TTLL6: variants seen among roughly 807,000 people sequenced by gnomAD.
TTLL6 encodes the protein tubulin tyrosine ligase like 6.
Under a neutral mutation model 96.4 loss-of-function variants are expected in TTLL6, and 75 were observed. The ratio of observed to expected loss-of-function variants is 0.78; its 90% CI spans 0.65 to 0.94. TTLL6 has a LOEUF of 0.94. TTLL6 is among the 40% of genes least tolerant of loss of function. The pLI is 0.00. For synonymous variants in TTLL6, 411 were observed against 419.4 expected, an observed-to-expected ratio of 0.98 and a Z score of 0.24; for missense variants, 1,030 against 1,093.0, an observed-to-expected ratio of 0.94 and a Z score of 0.81.
chr17:48,780,661 C>T (rs1018699648), intron 13 of TTLL6, among the ~76,000 whole-genome samples: 4 of 152,270 alleles, frequency 2.6e-5, no homozygotes, highest in South Asian at 2.1e-4. Context: ...TCTCTCCCTC[C>T]GCCCAGTCCC....
intron 1 of TTLL6, among the ~76,000 whole-genome samples, chr17:48,810,170 GA>G (rs896278674): frequency 2.0e-4 from 29 of 143,178 alleles, no homozygotes; most frequent in Non-Finnish European, 3.1e-4. Context: ...GAAAAGAAAA[GA>G]AAAAAAAGGT....
intron 9 of TTLL6, 118 bp from the exon 10 acceptor site, chr17:48,790,224 G>C: frequency 9.4e-7 from 1 of 1,060,674 alleles, no homozygotes; most frequent in Non-Finnish European, 1.4e-6. Context: ...TCACTACCAA[G>C]ATGAAAGGGA....
chr17:48,802,918 C>G (rs2039449021), intron 3 of TTLL6, among the ~76,000 whole-genome samples: 1 of 151,640 alleles, frequency 6.6e-6, no homozygotes, highest in Non-Finnish European at 1.5e-5. Context: ...GCCTGTAATC[C>G]CAACACTCTG....
At chr17:48,799,800 G>T in intron 5 of TTLL6, 40 bp from the exon 6 acceptor site, 1 of 1,531,302 alleles carries the variant, frequency 6.5e-7, no homozygotes, top group South Asian at 1.2e-5. Flanking sequence ...TCTTTAGCTG[G>T]GGAGCAATGA....
At chr17:48,786,626 C>A (rs1375194899) in intron 11 of TTLL6, among the ~76,000 whole-genome samples, 1 of 152,214 alleles carries the variant, frequency 6.6e-6, no homozygotes, top group Non-Finnish European at 1.5e-5. Flanking sequence ...CACTTCCCAG[C>A]AGGCCAGTTC....
At chr17:48,765,453 A>G (rs2038582433) in intron 15 of TTLL6, 1 of 152,196 alleles carries the variant, frequency 6.6e-6, no homozygotes, top group Non-Finnish European at 1.5e-5. Flanking sequence ...TTGAAATTCA[A>G]TTAGATAAAA....
At chr17:48,785,272 C>T in intron 12 of TTLL6, 71 bp from the exon 13 acceptor site, 1 of 1,595,786 alleles carries the variant, frequency 6.3e-7, no homozygotes, top group Non-Finnish European at 8.5e-7. Flanking sequence ...TTCATCTGCA[C>T]CCAGGGGTAG....
chr17:48,813,058 A>C (rs1341483327), intron 1 of TTLL6, among the ~76,000 whole-genome samples: 1 of 152,206 alleles, frequency 6.6e-6, no homozygotes, highest in Non-Finnish European at 1.5e-5. Flanking sequence ...CCTCTATTAC[A>C]GATGAGAAGA....
chr17:48,778,791 G>T (rs937676818), intron 13 of TTLL6, among the ~76,000 whole-genome samples: 1 of 152,026 alleles, frequency 6.6e-6, no homozygotes, highest in South Asian at 2.1e-4. Context: ...TTAGCTGGGC[G>T]TGGTGGTGCT....
At chr17:48,794,009 AC>A (rs1809265841) in intron 8 of TTLL6, among the ~76,000 whole-genome samples, 1 of 152,166 alleles carries the variant, frequency 6.6e-6, no homozygotes, top group Non-Finnish European at 1.5e-5. Context: ...TCCAGGTGGA[AC>A]TGAGGAGAGA....
chr17:48,786,143 T>C lies in TTLL6; in HGVS notation c.1761+21A>G, dbSNP rs538720388. On this transcript the variant is annotated intron_variant, in intron 12 of 15. Coordinates refer to ENST00000393382, the MANE Select transcript of TTLL6 (RefSeq NM_001130918.3). Reference sequence around the variant, plus strand: ...GTGGGGAAGGGTGTGGCTACGTGTGTTCCCCTCAATCCAGGTTTACCTGTT... The same window carrying C: ...GTGGGGAAGGGTGTGGCTACGTGTGCTCCCCTCAATCCAGGTTTACCTGTT... 112 of 1,613,976 alleles carry C rather than the reference T, an allele frequency of 6.9e-5. 1 individual carries two copies. The South Asian group carries it at 1.1e-3, about 16-fold the overall frequency.
chr17:48,775,319 AC>A (rs1428995717), intron 13 of TTLL6, among the ~76,000 whole-genome samples: 3 of 151,962 alleles, frequency 2.0e-5, no homozygotes, highest in African/African-American at 4.8e-5. Context: ...AAATTTCCCA[AC>A]AAAAATTTTA....
Position 48,787,888 on chromosome 17 carries a change from C to T in TTLL6, c.1512G>A (p.Lys504=). 1 of 1,614,218 alleles carries T rather than the reference C, an allele frequency of 6.2e-7. No individual in the cohort carries two copies. The highest frequency in any genetic ancestry group is 1.1e-5 in the South Asian group (1 of 91,082). Residue 504 remains lysine (K), a synonymous_variant, in exon 11 of 16, where the codon AAG becomes AAA. Coordinates refer to ENST00000393382, the MANE Select transcript of TTLL6 (RefSeq NM_001130918.3). ...TGTTGTCCTGGAAAAACTTCTCATACTTCTCCGAATTCAGACTGGGATAAA... is the reference window on the plus strand; with the variant it reads ...TGTTGTCCTGGAAAAACTTCTCATATTTCTCCGAATTCAGACTGGGATAAA... ...RLIYPSLNSE[K]YEKFFQDNNS...
At chr17:48,814,866 G>A (rs2039645941) in intron 1 of TTLL6, among the ~76,000 whole-genome samples, 1 of 152,128 alleles carries the variant, frequency 6.6e-6, no homozygotes, top group African/African-American at 2.4e-5. Context: ...CGCAACCTCT[G>A]CCTCCTGGAT....
chr17:48,784,773 C>T lies in TTLL6; in HGVS notation c.2040+150G>A. ...ATGCCGGTCCTCCCAGCAGCTATGC[C>T]ATTCCACAGTGTGGGCTTCTCAAGG... is the stretch of plus-strand genomic sequence containing the variant. On this transcript the variant is annotated intron_variant, in intron 13 of 15. Coordinates refer to ENST00000393382, the MANE Select transcript of TTLL6 (RefSeq NM_001130918.3). 4.7e-6 allele frequency: 3 copies of T among 633,126 alleles called. No individual in the cohort carries two copies. In the South Asian group the frequency reaches 5.8e-5, roughly 12 times the overall value. 39.2% of individuals were successfully genotyped at this position (633,126 alleles called of 1,614,324 possible).
In TTLL6 at chr17:48,769,734, G is replaced by C. The variant is rs1297298722; in HGVS notation, c.2404C>G (p.Leu802Val). ...HYNPKLGMNNLSQNPSLPGEC... is the reference protein window; with the variant it reads ...HYNPKLGMNNVSQNPSLPGEC... ...TGTACACACTGGCACTCACGTGACA[G>C]GTTATTCATCCCCAGCTTGGGGTTG... The change falls in exon 14 of 16, where the codon CTG becomes GTG. Residue 802 changes from leucine to valine, a missense_variant. Transcript: ENST00000393382. 6.2e-7 allele frequency: 1 copy of C among 1,613,730 alleles called. No homozygotes were observed. Among genetic ancestry groups the C allele is most frequent in the Admixed American group, 1.7e-5 (1 of 60,016 alleles).
intron 1 of TTLL6, among the ~76,000 whole-genome samples, chr17:48,812,784 T>C (rs2039614564): frequency 6.6e-6 from 1 of 152,232 alleles, no homozygotes; most frequent in Non-Finnish European, 1.5e-5. Flanking sequence ...AATAAATGCA[T>C]GAACTAATTA....
chr17:48,773,301 A>G (rs774518725), intron 13 of TTLL6, among the ~76,000 whole-genome samples: 51 of 152,334 alleles, frequency 3.3e-4, no homozygotes, highest in Non-Finnish European at 6.2e-4. Context: ...ATGGCAATAA[A>G]TTTCTCAAAT....
intron 7 of TTLL6, 122 bp downstream of exon 7, chr17:48,796,939 C>A: frequency 8.6e-7 from 1 of 1,158,288 alleles, no homozygotes. Context: ...TGAAACCCGG[C>A]ACATAGCAAG....
Sources: gnomAD v4.1 joint callset for allele counts (sites outside exome capture counted in the v4.1 genomes callset) on GRCh38, gnomAD v4.1.1 for gene constraint, MANE v1.5 for transcripts, NCBI Gene and HGNC (gene_info 2026-07-23, HGNC 2026-07-21) for gene names.